Variants in PRKN observed in about 807,000 individuals in gnomAD.
PRKN encodes the protein parkin RBR E3 ubiquitin protein ligase.
Under a neutral mutation model 59.5 loss-of-function variants are expected in PRKN, and 56 were observed. That is an observed-to-expected ratio of 0.94 (90% CI 0.76 to 1.18). PRKN has a LOEUF of 1.18. Ranked by LOEUF, PRKN falls within the 50% of genes most tolerant of loss-of-function variation. The pLI is 0.00. For synonymous variants in PRKN, 250 were observed against 222.1 expected (o/e 1.13, Z -1.12); for missense variants, 657 against 596.4 (o/e 1.10, Z -1.06).
chr6:162,236,005 G>GAA (rs368477476), intron 3 of PRKN, among the ~76,000 whole-genome samples: 32 of 144,394 alleles, frequency 2.2e-4, no homozygotes, highest in African/African-American at 7.4e-4. Flanking sequence ...AAGAAAGAAA[G>GAA]AAAGAAAGAA....
intron 6 of PRKN, among the ~76,000 whole-genome samples, chr6:161,861,281 G>T (rs1278316310): frequency 6.6e-6 from 1 of 152,174 alleles, no homozygotes; most frequent in Non-Finnish European, 1.5e-5. Context: ...GCAGGGACAT[G>T]GATGAAACTG....
chr6:162,633,744 G>T (rs574549806), intron 1 of PRKN, among the ~76,000 whole-genome samples: 1 of 152,068 alleles, frequency 6.6e-6, no homozygotes, highest in African/African-American at 2.4e-5. Context: ...AACATGAGGT[G>T]GGGGAGGAAG....
At chr6:161,643,035 T>A (rs568553962) in intron 7 of PRKN, among the ~76,000 whole-genome samples, 1 of 152,344 alleles carries the variant, frequency 6.6e-6, no homozygotes, top group Admixed American at 6.5e-5. Flanking sequence ...CAATGCAATC[T>A]GAAGTCAGAA....
intron 7 of PRKN, among the ~76,000 whole-genome samples, chr6:161,768,161 G>C (rs1253356149): frequency 6.6e-6 from 1 of 152,084 alleles, no homozygotes; most frequent in Admixed American, 6.6e-5. Flanking sequence ...CACGAAGGGG[G>C]CTCCCAAGGG....
intron 7 of PRKN, among the ~76,000 whole-genome samples, chr6:161,707,909 T>A (rs958308344): frequency 1.3e-5 from 2 of 152,128 alleles, no homozygotes; most frequent in African/African-American, 4.8e-5. Flanking sequence ...CATTTATAGA[T>A]TAGAAATTCT....
chr6:162,220,938 GC>G (rs1163791953), intron 3 of PRKN, among the ~76,000 whole-genome samples: 1 of 152,196 alleles, frequency 6.6e-6, no homozygotes, highest in Non-Finnish European at 1.5e-5. Context: ...AATGTATTGA[GC>G]TAAATTATCC....
At position 161,538,363 on chromosome 6, in the gene PRKN, T is replaced by G. The variant is rs899427127; in HGVS notation, c.1083+10491A>C. ...CCTTGAAAAAAATTCTTAAATAAATTGGACTTTAAGAAATCTCCTTCTTAG... is the reference window on the plus strand; with the variant it reads ...CCTTGAAAAAAATTCTTAAATAAATGGGACTTTAAGAAATCTCCTTCTTAG... On this transcript the variant is annotated intron_variant, in intron 9 of 11. Coordinates refer to ENST00000366898, the MANE Select transcript of PRKN (RefSeq NM_004562.3). The surrounding 1 kb of genome is among the most constrained non-coding windows in gnomAD (Gnocchi z 4.2). Among the ~76,000 whole-genome samples, 1 of 152,178 alleles carries G rather than the reference T, an allele frequency of 6.6e-6. No homozygotes were observed. The highest frequency in any genetic ancestry group is 6.5e-5 in the Admixed American group (1 of 15,276).
chr6:161,507,091 G>C (rs545904436), intron 9 of PRKN, among the ~76,000 whole-genome samples: 2 of 152,150 alleles, frequency 1.3e-5, no homozygotes, highest in Non-Finnish European at 2.9e-5. Context: ...CTCACGTAAG[G>C]AAGAACTTTT....
rs951836165 is a variant in PRKN at position 161,361,289 on chromosome 6, T to C, written c.1168-1084A>G. ...ATGAGGAAAATAACTGTACTGCATT[T>C]AATAGTTTCTTTAGGAATTAGTGTT... is the stretch of plus-strand genomic sequence containing the variant. On this transcript the variant is annotated intron_variant, in intron 10 of 11. Coordinates refer to ENST00000366898, the MANE Select transcript of PRKN (RefSeq NM_004562.3). This position sits in a 1 kb window ranked among gnomAD's most constrained non-coding sequence, Gnocchi z 5.2. Among the ~76,000 whole-genome samples, 1 of 152,226 alleles carries C rather than the reference T, an allele frequency of 6.6e-6. No homozygotes were observed. The highest frequency in any genetic ancestry group is 1.5e-5 in the Non-Finnish European group (1 of 68,044).
intron 7 of PRKN, among the ~76,000 whole-genome samples, chr6:161,760,396 A>G (rs1418076186): frequency 1.3e-5 from 2 of 151,246 alleles, no homozygotes; most frequent in African/African-American, 2.4e-5. Flanking sequence ...ACACCTTTAA[A>G]GATGGAAAAG....
chr6:161,938,128 G>C (rs1339771412), intron 6 of PRKN, among the ~76,000 whole-genome samples: 1 of 152,110 alleles, frequency 6.6e-6, no homozygotes, highest in Non-Finnish European at 1.5e-5. Flanking sequence ...ATTTGAGAAT[G>C]GTTCTTATTT....
At chr6:162,583,263 T>C (rs1780859276) in intron 1 of PRKN, among the ~76,000 whole-genome samples, 1 of 152,210 alleles carries the variant, frequency 6.6e-6, no homozygotes, top group Non-Finnish European at 1.5e-5. Context: ...ACCTAGTCTG[T>C]GATATTCTGT....
At chr6:162,527,568 G>A (rs1416831434) in intron 1 of PRKN, among the ~76,000 whole-genome samples, 1 of 152,152 alleles carries the variant, frequency 6.6e-6, no homozygotes, top group South Asian at 2.1e-4. Context: ...TAGATGAACA[G>A]TTTACTAACT....
chr6:161,741,200 T>G (rs1788168670), intron 7 of PRKN, among the ~76,000 whole-genome samples: 1 of 152,228 alleles, frequency 6.6e-6, no homozygotes, highest in Non-Finnish European at 1.5e-5. Flanking sequence ...GAAGGGCATC[T>G]GTCAGCTAAT....
chr6:161,903,831 T>G (rs1201278962), intron 6 of PRKN, among the ~76,000 whole-genome samples: 1 of 151,576 alleles, frequency 6.6e-6, no homozygotes, highest in Non-Finnish European at 1.5e-5. Flanking sequence ...TCCCTTTTAT[T>G]GTATGTATGC....
intron 4 of PRKN, among the ~76,000 whole-genome samples, chr6:162,132,490 C>T (rs543677855): frequency 1.3e-5 from 2 of 150,388 alleles, no homozygotes; most frequent in East Asian, 4.0e-4. Flanking sequence ...AGGAATATTT[C>T]AATCTACACG....
intron 6 of PRKN, among the ~76,000 whole-genome samples, chr6:161,797,303 G>A (rs929612588): frequency 3.3e-5 from 5 of 152,122 alleles, no homozygotes; most frequent in African/African-American, 1.2e-4. Context: ...CCAGGCTGGA[G>A]TGCAGTGGCA....
At chr6:162,002,426 G>A (rs1449933117) in intron 5 of PRKN, among the ~76,000 whole-genome samples, 2 of 151,976 alleles carry the variant, frequency 1.3e-5, no homozygotes, top group Non-Finnish European at 2.9e-5. Flanking sequence ...TTATCAGATT[G>A]TAAATATAGA....
chr6:161,888,408 T>C (rs1282734260), intron 6 of PRKN, among the ~76,000 whole-genome samples: 2 of 152,294 alleles, frequency 1.3e-5, no homozygotes, highest in East Asian at 3.9e-4. Flanking sequence ...AACACATTCA[T>C]TCATCCAAAC....
Sources: allele counts gnomAD v4.1 joint callset (sites outside exome capture counted in the v4.1 genomes callset), GRCh38; gene constraint gnomAD v4.1.1; non-coding constraint Gnocchi (gnomAD v3.1); transcripts MANE v1.5; gene names NCBI Gene and HGNC (gene_info 2026-07-23, HGNC 2026-07-21).